TMED5: variants seen among roughly 807,000 people sequenced by gnomAD.
The protein encoded by TMED5 is transmembrane p24 trafficking protein 5, also known as transmembrane emp24 domain-containing protein 5.
TMED5 carries 27 observed loss-of-function variants against 23.0 expected under a neutral mutation model. The observed-to-expected ratio is 1.17, with a 90% CI of 0.86 to 1.62. TMED5 has a LOEUF of 1.62. Among genes scored for constraint, TMED5 ranks in the 40% most tolerant of loss-of-function variants. The probability of loss-of-function intolerance (pLI) is 0.00; values close to 1 mark genes in which losing one functional copy is unlikely to be tolerated. For missense variants in TMED5, 248 were observed against 273.7 expected (o/e 0.91, Z 0.66); for synonymous variants, 97 against 100.8 (o/e 0.96, Z 0.23).
intron 3 of TMED5, chr1:93,155,951 CT>C (rs1648060243): frequency 7.6e-6 from 5 of 658,742 alleles, no homozygotes; most frequent in Admixed American, 7.2e-5. Context: ...AAACATTTTA[CT>C]TTTCATATGC....
In TMED5 at chr1:93,154,837, T is replaced by C; in HGVS notation, c.523A>G (p.Thr175Ala). ...SRLSKSGHIQTLLRAFEARDR... is the reference protein window; with the variant it reads ...SRLSKSGHIQALLRAFEARDR... The stretch of plus-strand genomic sequence containing the variant: ...CGAGCTTCAAATGCTCTAAGCAGAG[T>C]TTGTATGTGCCCACTTTTGCTTAGT... Residue 175 changes from threonine (T) to alanine (A), a missense_variant, in exon 4 of 4, where the codon ACT becomes GCT. Transcript: ENST00000370282. The C allele has an allele frequency of 6.2e-7, 1 of 1,614,018 alleles. No homozygotes were observed. Among genetic ancestry groups the C allele is most frequent in the Non-Finnish European group, 8.5e-7 (1 of 1,179,906 alleles).
At chr1:93,155,710 G>A (rs546951713) in intron 3 of TMED5, among the ~76,000 whole-genome samples, 7 of 151,916 alleles carry the variant, frequency 4.6e-5, no homozygotes, top group Admixed American at 4.6e-4. Context: ...CTTGAACTGG[G>A]CTCAAATGAT....
intron 1 of TMED5, among the ~76,000 whole-genome samples, chr1:93,170,532 C>T (rs1648687379): frequency 2.0e-5 from 3 of 152,196 alleles, no homozygotes; most frequent in South Asian, 4.1e-4. Context: ...GGCTCCTGCG[C>T]GGCCCAAGCC....
At chr1:93,166,858 T>C (rs776762175) in intron 1 of TMED5, among the ~76,000 whole-genome samples, 2 of 152,198 alleles carry the variant, frequency 1.3e-5, no homozygotes, top group Non-Finnish European at 2.9e-5. Flanking sequence ...CCTGGAGAGT[T>C]ATCCTAATGT....
At chr1:93,174,953 G>A (rs1383274023) in intron 1 of TMED5, among the ~76,000 whole-genome samples, 3 of 149,738 alleles carry the variant, frequency 2.0e-5, no homozygotes, top group East Asian at 3.9e-4. Flanking sequence ...CTGAACATTC[G>A]CATGCATGTG....
At chr1:93,171,075 C>G (rs1369823459) in intron 1 of TMED5, among the ~76,000 whole-genome samples, 1 of 152,194 alleles carries the variant, frequency 6.6e-6, no homozygotes, top group East Asian at 1.9e-4. Context: ...TGCTGCTGCT[C>G]ACTCTTTGGG....
In TMED5 at chr1:93,154,809, T is replaced by G; in HGVS notation, c.551A>C (p.Asp184Ala). ...AAAGTTGCTTTCTTGTATGTTTCGA[T>G]CACGAGCTTCAAATGCTCTAAGCAG... Reference protein sequence around the residue: ...QTLLRAFEARDRNIQESNFDR... With the variant: ...QTLLRAFEARARNIQESNFDR... Residue 184 changes from aspartate (D) to alanine (A), a missense_variant, in exon 4 of 4, where the codon GAT (aspartate) becomes GCT (alanine). Physicochemically the swap from Asp to Ala is moderately radical, Grantham distance 126 (BLOSUM62 -2). Coordinates refer to ENST00000370282, the MANE Select transcript of TMED5 (RefSeq NM_016040.5). The G allele has an allele frequency of 6.8e-6, 11 of 1,614,170 alleles. No individual in the cohort carries two copies. Among genetic ancestry groups the G allele is most frequent in the Non-Finnish European group, 9.3e-6 (11 of 1,180,012 alleles).
intron 1 of TMED5, among the ~76,000 whole-genome samples, chr1:93,175,301 A>AT (rs1648872944): frequency 9.9e-6 from 1 of 100,940 alleles, no homozygotes; most frequent in African/African-American, 3.4e-5. Context: ...CCTTATGCCT[A>AT]TATATATATA....
intron 1 of TMED5, among the ~76,000 whole-genome samples, chr1:93,173,701 A>C (rs1316337381): frequency 6.6e-6 from 1 of 152,256 alleles, no homozygotes; most frequent in Non-Finnish European, 1.5e-5. Context: ...AGAGGAAAAC[A>C]AATTAAGCCT....
rs566624344 is a variant in TMED5 at position 93,157,360 on chromosome 1, C to T, written c.288-877G>A. Among the ~76,000 whole-genome samples, 5 of 152,062 alleles carry T rather than the reference C, an allele frequency of 3.3e-5. No individual in the cohort carries two copies. The East Asian group carries it at 9.7e-4, about 29-fold the overall frequency. On this transcript the variant is annotated intron_variant, in intron 2 of 3. Transcript: ENST00000370282. ...TAATTCAGCCCATCATTAATTATGC[C>T]AAGTGCTGAAGAAAAAAATGAATAA...
At chr1:93,156,082 G>A in intron 3 of TMED5, 1 of 1,459,836 alleles carries the variant, frequency 6.9e-7, no homozygotes, top group South Asian at 1.4e-5. Context: ...TTATAATAGG[G>A]TCCTGGAAGA....
intron 1 of TMED5, among the ~76,000 whole-genome samples, chr1:93,169,624 G>A (rs1278560595): frequency 6.7e-6 from 1 of 148,866 alleles, no homozygotes; most frequent in Non-Finnish European, 1.5e-5. Context: ...GCAAAAAACT[G>A]GTTTTTTAAA....
intron 1 of TMED5, among the ~76,000 whole-genome samples, chr1:93,170,480 G>A (rs927379189): frequency 3.9e-5 from 6 of 152,194 alleles, no homozygotes; most frequent in African/African-American, 1.4e-4. Flanking sequence ...CTTGGGACCT[G>A]CAGCCCGCCA....
rs1214843047 is a variant in TMED5, at chr1:93,156,475, G to A, written c.296C>T (p.Thr99Ile). 1 of 1,612,564 alleles carries A rather than the reference G, an allele frequency of 6.2e-7. No homozygotes were observed. The highest frequency in any genetic ancestry group is 1.3e-5 in the African/African-American group (1 of 74,848). ...RKSDGVHTVE[T>I]EVGDYMFCFD... Reference sequence around the variant, plus strand: ...GCAGAACATGTAATCACCAACTTCAGTCTCTACACTGTATAAAAAAAAGTA... The same window carrying A: ...GCAGAACATGTAATCACCAACTTCAATCTCTACACTGTATAAAAAAAAGTA... The change falls in exon 3 of 4, where the codon ACT becomes ATT. Residue 99 changes from threonine to isoleucine, a missense_variant. Transcript: ENST00000370282.
chr1:93,161,906 A>G (rs1648293130), intron 1 of TMED5: 1 of 152,180 alleles, frequency 6.6e-6, no homozygotes, highest in African/African-American at 2.4e-5. Context: ...TTTGTCACAG[A>G]TGCAAATATT....
intron 2 of TMED5, among the ~76,000 whole-genome samples, chr1:93,156,960 G>A (rs1198821514): frequency 2.0e-5 from 3 of 152,042 alleles, no homozygotes; most frequent in African/African-American, 7.2e-5. Context: ...ATATGTTCAA[G>A]TACAACTTAG....
intron 1 of TMED5, among the ~76,000 whole-genome samples, chr1:93,167,009 T>C (rs1018465598): frequency 3.3e-5 from 5 of 152,198 alleles, no homozygotes; most frequent in Non-Finnish European, 7.3e-5. Flanking sequence ...GGACCATTTA[T>C]TGAAGAGACT....
chr1:93,159,991 C>A, intron 2 of TMED5, 138 bp downstream of exon 2: 1 of 505,940 alleles, frequency 2.0e-6, no homozygotes, highest in South Asian at 4.0e-5. Flanking sequence ...TCAGATGGCA[C>A]ACTATCATGA....
intron 1 of TMED5, among the ~76,000 whole-genome samples, chr1:93,169,881 G>GCACACACA (rs1444886174): frequency 2.9e-5 from 1 of 34,786 alleles, no homozygotes; most frequent in Non-Finnish European, 6.0e-5. Flanking sequence ...GACCCTGTCT[G>GCACACACA]TACACACACA....
Sources: allele counts gnomAD v4.1 joint callset (sites outside exome capture counted in the v4.1 genomes callset), GRCh38; gene constraint gnomAD v4.1.1; transcripts MANE v1.5; gene names NCBI Gene and HGNC (gene_info 2026-07-23, HGNC 2026-07-21).